The following GDAP1 variants were observed in gnomAD, a reference collection of about 807,000 sequenced individuals.
GDAP1 encodes the protein ganglioside-induced differentiation-associated protein 1.
A neutral mutation model predicts 40.1 loss-of-function variants in GDAP1; 34 were observed. That is an observed-to-expected ratio of 0.85 (90% CI 0.64 to 1.13). The LOEUF is 1.13. Among genes scored for constraint, GDAP1 ranks in the 50% most tolerant of loss-of-function variants. The pLI, the probability that GDAP1 is intolerant of heterozygous loss-of-function variation, is 0.00. For missense variants in GDAP1, 374 were observed against 433.7 expected (o/e 0.86, Z 1.22); for synonymous variants, 170 against 157.4 (o/e 1.08, Z -0.60).
At chr8:74,460,738 G>T (rs186837786) in intron 2 of GDAP1, among the ~76,000 whole-genome samples, 7 of 152,078 alleles carry the variant, frequency 4.6e-5, no homozygotes, top group Admixed American at 4.6e-4. Context: ...CCTAAGAAAA[G>T]GTTCTATTTG....
At chr8:74,375,330 A>G (rs1012559393) in intron 2 of GDAP1, among the ~76,000 whole-genome samples, 2 of 152,194 alleles carry the variant, frequency 1.3e-5, no homozygotes, top group Non-Finnish European at 2.9e-5. Context: ...CTGTCTCAAA[A>G]AAAAAAAGAG....
chr8:74,360,017 T>A (rs1473109347), intron 2 of GDAP1, 120 bp from the exon 3 acceptor site: 1 of 758,480 alleles, frequency 1.3e-6, no homozygotes, highest in Non-Finnish European at 2.3e-6. Context: ...AGACAGTGTT[T>A]TTTGAATATA....
chr8:74,437,247 ACCT>A (rs1459047890), intron 2 of GDAP1, among the ~76,000 whole-genome samples: 1 of 152,210 alleles, frequency 6.6e-6, no homozygotes, highest in East Asian at 1.9e-4. Context: ...CTTAGAGATT[ACCT>A]GGTTTAACTC....
chr8:74,481,879 C>T (rs1222484086), intron 2 of GDAP1, among the ~76,000 whole-genome samples: 1 of 152,128 alleles, frequency 6.6e-6, no homozygotes, highest in Non-Finnish European at 1.5e-5. Context: ...AAATGGATTA[C>T]ATAACTTACC....
chr8:74,441,251 T>G (rs145538383), intron 2 of GDAP1, among the ~76,000 whole-genome samples: 1 of 152,292 alleles, frequency 6.6e-6, no homozygotes, highest in East Asian at 1.9e-4. Context: ...CAGGACATTG[T>G]GCCTTTTGTT....
chr8:74,422,352 CCCTTCCTTCCTTCCTT>C (rs56384829), intron 2 of GDAP1, among the ~76,000 whole-genome samples: 2 of 34,222 alleles, frequency 5.8e-5, no homozygotes, highest in Non-Finnish European at 1.2e-4. Context: ...TTTCTTTCTT[CCCTTCCTTCCTTCCTT>C]CCTTCCTTCC....
At chr8:74,402,482 G>C (rs1003486411) in intron 2 of GDAP1, among the ~76,000 whole-genome samples, 1 of 150,406 alleles carries the variant, frequency 6.6e-6, no homozygotes, top group Non-Finnish European at 1.5e-5. Context: ...CTAGGAAAGG[G>C]AACTCCCTGA....
At chr8:74,426,325 C>T (rs1014185190) in intron 2 of GDAP1, among the ~76,000 whole-genome samples, 1 of 152,134 alleles carries the variant, frequency 6.6e-6, no homozygotes, top group African/African-American at 2.4e-5. Context: ...GCAGACTAAT[C>T]TTTTACCAGT....
At chr8:74,425,938 G>GT (rs1491464328) in intron 2 of GDAP1, among the ~76,000 whole-genome samples, 1 of 152,018 alleles carries the variant, frequency 6.6e-6, no homozygotes, top group Non-Finnish European at 1.5e-5. Context: ...TCCATTTCCA[G>GT]TGCTGCAGTC....
chr8:74,365,227 T>C lies in GDAP1; in HGVS notation c.*860T>C, dbSNP rs554748057. 6.2e-5 allele frequency: 28 copies of C among 454,090 alleles called. No homozygotes were observed. The East Asian group carries it at 1.8e-3, about 29-fold the overall frequency. 28.1% of individuals were successfully genotyped at this position (454,090 alleles called of 1,614,324 possible). A position where few individuals can be genotyped will look rare whatever the true frequency, so the allele number is the denominator to read the frequency against. ...AGCACCAAATATGTTCATTCTTCGT[T>C]TGGGGAGGCTGGTCTGTAAACACAA... On this transcript the variant is annotated 3_prime_UTR_variant, in exon 6 of 6. Coordinates refer to ENST00000220822, the MANE Select transcript of GDAP1 (RefSeq NM_018972.4).
At chr8:74,431,649 T>C (rs1806027739) in intron 2 of GDAP1, among the ~76,000 whole-genome samples, 3 of 151,734 alleles carry the variant, frequency 2.0e-5, no homozygotes, top group Admixed American at 2.0e-4. Context: ...ACCCGGCTAA[T>C]TTTTTGTATT....
At chr8:74,356,692 T>TGTGTGTTTG (rs1563440290) in intron 2 of GDAP1, among the ~76,000 whole-genome samples, 6,349 of 94,594 alleles carry the variant, frequency 0.067, 312 homozygotes, top group Non-Finnish European at 0.099. Context: ...GTGTGTGTGT[T>TGTGTGTTTG]TGTGTGTGTG....
chr8:74,396,749 C>A (rs2131546001), intron 2 of GDAP1, among the ~76,000 whole-genome samples: 1 of 152,252 alleles, frequency 6.6e-6, no homozygotes, highest in South Asian at 2.1e-4. Flanking sequence ...TTAATCCAGT[C>A]TATCATTGTT....
intron 3 of GDAP1, among the ~76,000 whole-genome samples, chr8:74,361,157 A>T (rs1341102060): frequency 6.6e-6 from 1 of 151,608 alleles, no homozygotes; most frequent in Non-Finnish European, 1.5e-5. Context: ...TCCTCTTCAT[A>T]AATACCCTTT....
At chr8:74,475,737 A>G (rs1239884845) in intron 2 of GDAP1, among the ~76,000 whole-genome samples, 1 of 152,070 alleles carries the variant, frequency 6.6e-6, no homozygotes, top group Non-Finnish European at 1.5e-5. Context: ...CCATGTGGCA[A>G]TGAGAAGAAT....
At chr8:74,363,600 G>A (rs1309953059) in intron 5 of GDAP1, among the ~76,000 whole-genome samples, 1 of 152,218 alleles carries the variant, frequency 6.6e-6, no homozygotes, top group Non-Finnish European at 1.5e-5. Flanking sequence ...ACTGAGTGAT[G>A]TTTCAGACTC....
chr8:74,356,716 A>ATATAT (rs375377157), intron 2 of GDAP1, among the ~76,000 whole-genome samples: 1,340 of 104,312 alleles, frequency 0.013, 32 homozygotes, highest in Middle Eastern at 0.021. Context: ...ATATATATAT[A>ATATAT]TTTTTTTTTT....
At chr8:74,402,280 C>T (rs1053279250) in intron 2 of GDAP1, among the ~76,000 whole-genome samples, 2 of 150,574 alleles carry the variant, frequency 1.3e-5, no homozygotes, top group East Asian at 1.9e-4. Flanking sequence ...CCCCCAGCCT[C>T]GCTGCCACCT....
chr8:74,401,820 T>G (rs1810346838), intron 2 of GDAP1, among the ~76,000 whole-genome samples: 1 of 150,098 alleles, frequency 6.7e-6, no homozygotes, highest in South Asian at 2.1e-4. Context: ...AGAGGTCCAG[T>G]CCAGACCCTG....
Sources: allele counts gnomAD v4.1 joint callset (sites outside exome capture counted in the v4.1 genomes callset), GRCh38; gene constraint gnomAD v4.1.1; transcripts MANE v1.5; gene names NCBI Gene and HGNC (gene_info 2026-07-23, HGNC 2026-07-21).